Variants in NUP98 observed in about 807,000 individuals in gnomAD.
NUP98 encodes nucleoporin 98 and 96 precursor.
A neutral mutation model predicts 191.9 loss-of-function variants in NUP98; 26 were observed. The observed-to-expected ratio is 0.14, with a 90% CI of 0.10 to 0.19. NUP98 has a LOEUF of 0.19. Among genes scored for constraint, NUP98 ranks in the 10% least tolerant of loss-of-function variants. The pLI, the probability that NUP98 is intolerant of heterozygous loss-of-function variation, is 1.00. For synonymous variants in NUP98, 808 were observed against 778.4 expected (o/e 1.04, Z -0.63); for missense variants, 1,941 against 2,178.8 (o/e 0.89, Z 2.17).
chr11:3,712,423 G>A, intron 20 of NUP98, 141 bp downstream of exon 20: 1 of 1,459,330 alleles, frequency 6.9e-7, no homozygotes, highest in African/African-American at 1.4e-5. Context: ...GCCCTCCCTT[G>A]CACTTGTTTC....
rs749609607 is a variant in NUP98, at chr11:3,768,561, G to A, written c.948+20C>T. On this transcript the variant is annotated intron_variant, in intron 8 of 32. Transcript: ENST00000324932. ...CTCTAAAAATAAGACATGGAGGTAAGTAAGGGTCTGTTTCCTTACCATGGT... is the reference window on the plus strand; with the variant it reads ...CTCTAAAAATAAGACATGGAGGTAAATAAGGGTCTGTTTCCTTACCATGGT... 3.9e-6 allele frequency: 6 copies of A among 1,533,916 alleles called. No homozygotes were observed. Among genetic ancestry groups the A allele is most frequent in the African/African-American group, 1.4e-5 (1 of 72,232 alleles).
intron 19 of NUP98, among the ~76,000 whole-genome samples, chr11:3,713,402 T>A (rs1234838978): frequency 1.3e-5 from 2 of 152,158 alleles, no homozygotes; most frequent in Non-Finnish European, 2.9e-5. Flanking sequence ...TATCTGTACA[T>A]CTCTCTCCAA....
chr11:3,760,175 T>C (rs1482046674), intron 10 of NUP98: 1 of 200,834 alleles, frequency 5.0e-6, no homozygotes, highest in Non-Finnish European at 9.8e-6. Flanking sequence ...AAAATAAGAA[T>C]AACCAATTAT....
intron 28 of NUP98, among the ~76,000 whole-genome samples, chr11:3,686,531 T>C (rs1306100562): frequency 6.6e-6 from 1 of 152,254 alleles, no homozygotes; most frequent in African/African-American, 2.4e-5. Context: ...CTTTTTTCTT[T>C]TTTTTGAGAC....
intron 9 of NUP98, 82 bp from the exon 10 acceptor site, chr11:3,760,708 G>T: frequency 8.5e-7 from 1 of 1,175,840 alleles, no homozygotes; most frequent in Non-Finnish European, 1.2e-6. Flanking sequence ...CAGGTATACT[G>T]GGTTGGGTAT....
chr11:3,772,989 AC>A (rs1418639138), intron 6 of NUP98, among the ~76,000 whole-genome samples: 1 of 151,910 alleles, frequency 6.6e-6, no homozygotes, highest in Non-Finnish European at 1.5e-5. Context: ...AAACAAACAA[AC>A]AAAAAAAACA....
Position 3,700,717 on chromosome 11 carries a change from T to G in NUP98, c.3635A>C (p.His1212Pro). Residue 1212 changes from histidine to proline, a missense_variant, in exon 24 of 33, where the codon CAT becomes CCT. Coordinates refer to ENST00000324932, the MANE Select transcript of NUP98 (RefSeq NM_016320.5). ...LELKLKHSTV[H>P]VDELCPLIVP... The stretch of plus-strand genomic sequence containing the variant: ...AATGAGAGGACACAGTTCATCCACA[T>G]GGACAGTGCTGTGTTTTAATTTGAG... The G allele has an allele frequency of 4.3e-6, 7 of 1,614,022 alleles. No homozygotes were observed. Among genetic ancestry groups the G allele is most frequent in the Non-Finnish European group, 5.9e-6 (7 of 1,179,856 alleles).
intron 9 of NUP98, 63 bp from the exon 10 acceptor site, chr11:3,760,689 AG>A: frequency 1.5e-6 from 2 of 1,352,888 alleles, no homozygotes; most frequent in South Asian, 2.6e-5. Flanking sequence ...AACTAAATAC[AG>A]GTTACCTCAG....
In NUP98 at chr11:3,699,120, T is replaced by C. The variant is rs1371442837; in HGVS notation, c.3971A>G (p.Lys1324Arg). ...CAGAGAGCAGGCCTCACTGATCCTT[T>C]TGCCTGTGAGGTAGCTGAATACAGC... ...VEAVFSYLTG[K>R]RISEACSLAQ... The change falls in exon 25 of 33, where the codon AAA (lysine) becomes AGA (arginine). Residue 1324 changes from lysine (K) to arginine (R), a missense_variant. Lys to Arg is a conservative substitution (Grantham distance 26). Around this residue, in one of 6 missense-constraint regions of NUP98, gnomAD observed 1,030 missense variants for 1,115.8 expected, o/e 0.92. Transcript: ENST00000324932. The C allele has an allele frequency of 1.2e-6, 2 of 1,613,422 alleles. No individual in the cohort carries two copies. Among genetic ancestry groups the C allele is most frequent in the Admixed American group, 1.7e-5 (1 of 60,028 alleles).
intron 17 of NUP98, among the ~76,000 whole-genome samples, chr11:3,720,432 G>T (rs2079347513): frequency 6.6e-6 from 1 of 152,112 alleles, no homozygotes; most frequent in Non-Finnish European, 1.5e-5. Flanking sequence ...CTTCTCAGGA[G>T]GCTGAGGCAG....
At chr11:3,712,821 G>C in intron 19 of NUP98, 93 bp from the exon 20 acceptor site, 2 of 1,297,786 alleles carry the variant, frequency 1.5e-6, no homozygotes, top group Non-Finnish European at 2.1e-6. Flanking sequence ...TAAGAAAAAA[G>C]AAAGAAAAGG....
chr11:3,725,368 C>T (rs1379545205), intron 14 of NUP98, 149 bp from the exon 15 acceptor site: 8 of 539,944 alleles, frequency 1.5e-5, no homozygotes, highest in East Asian at 8.3e-5. Flanking sequence ...CATTTATAAA[C>T]GCTTCCTAGG....
chr11:3,735,126 A>C, intron 13 of NUP98, 65 bp downstream of exon 13: 1 of 1,430,952 alleles, frequency 7.0e-7, no homozygotes. Flanking sequence ...GCAAAAAATT[A>C]CATTCTGCAC....
At position 3,723,261 on chromosome 11, in the gene NUP98, C is replaced by T. The variant is rs149061794; in HGVS notation, c.2042G>A (p.Arg681Gln). The T allele has an allele frequency of 5.8e-5, 93 of 1,614,082 alleles. No homozygotes were observed. The African/African-American group carries it at 6.7e-4, about 12-fold the overall frequency. ...TTCACTGCTTCCTTCCAGCCCATTT[C>T]GCAAAGCAGCACGCATGTTTAATGC... ...IVALNMRAAL[R>Q]NGLEGSSEET... is the part of the protein sequence containing the mutation. The change falls in exon 16 of 33, where the codon CGA (arginine) becomes CAA (glutamine). Residue 681 changes from arginine (R) to glutamine (Q), a missense_variant. By Grantham distance (43) the Arg-to-Gln change is conservative. Around this residue, in one of 6 missense-constraint regions of NUP98, gnomAD observed 453 missense variants for 438.2 expected, o/e 1.03. Coordinates refer to ENST00000324932, the MANE Select transcript of NUP98 (RefSeq NM_016320.5).
At chr11:3,787,681 A>G (rs995972844) in intron 1 of NUP98, among the ~76,000 whole-genome samples, 2 of 151,080 alleles carry the variant, frequency 1.3e-5, no homozygotes, top group Admixed American at 6.6e-5. Flanking sequence ...GCACACCCTT[A>G]AACTCTTTAT....
intron 12 of NUP98, among the ~76,000 whole-genome samples, chr11:3,739,176 A>G (rs1225264613): frequency 6.6e-6 from 1 of 152,264 alleles, no homozygotes; most frequent in African/African-American, 2.4e-5. Context: ...CTATACAAGT[A>G]AAAATGGCAT....
chr11:3,691,214 CT>C, intron 28 of NUP98, 132 bp downstream of exon 28: 1 of 890,168 alleles, frequency 1.1e-6, no homozygotes, highest in Non-Finnish European at 1.7e-6. Context: ...CATTCAACTA[CT>C]TTAAGTTATA....
In NUP98 at chr11:3,683,381, A is replaced by C. The variant is rs779307619; in HGVS notation, c.4737T>G (p.Pro1579=). 5 of 1,614,180 alleles carry C rather than the reference A, an allele frequency of 3.1e-6. No homozygotes were observed. The highest frequency in any genetic ancestry group is 4.2e-6 in the Non-Finnish European group (5 of 1,180,028). The change falls in exon 30 of 33, where the codon CCT becomes CCG. Residue 1579 remains proline (P), a synonymous_variant. Transcript: ENST00000324932. ...LTRHCQLLET[P]ESWAKETFLT... ...GGAAAGTCTCTTTAGCCCAAGATTC[A>C]GGGGTCTCCAACAGCTGGCAGTGCC...
In NUP98 at chr11:3,734,330, G is replaced by A. The variant is rs565919704; in HGVS notation, c.1542+861C>T. Among the ~76,000 whole-genome samples the A allele has an allele frequency of 2.5e-3, 383 of 152,228 alleles. 3 individuals carry two copies. The highest frequency in any genetic ancestry group is 8.9e-3 in the African/African-American group (371 of 41,532). Reference sequence around the variant, plus strand: ...TTACAGGCCTGAGCCACTGCGCCGGGCAGATCCCATTTCTTAAAACAACAA... The same window carrying A: ...TTACAGGCCTGAGCCACTGCGCCGGACAGATCCCATTTCTTAAAACAACAA... On this transcript the variant is annotated intron_variant, in intron 13 of 32. Transcript: ENST00000324932.
Sources: allele counts gnomAD v4.1 joint callset (sites outside exome capture counted in the v4.1 genomes callset), GRCh38; gene constraint gnomAD v4.1.1; regional missense constraint gnomAD v4.1.1; transcripts MANE v1.5; gene names NCBI Gene and HGNC (gene_info 2026-07-23, HGNC 2026-07-21).